Variants in PPFIBP2 observed in about 807,000 individuals in gnomAD.
The protein encoded by PPFIBP2 is PPFIB scaffold protein 2.
PPFIBP2 carries 118 observed loss-of-function variants against 118.3 expected under a neutral mutation model. The observed-to-expected ratio is 1.00, with a 90% CI of 0.86 to 1.16. The LOEUF is 1.16. Ranked by LOEUF, PPFIBP2 falls within the 50% of genes most tolerant of loss-of-function variation. PPFIBP2 has a pLI of 0.00. For missense variants in PPFIBP2, 1,195 were observed against 1,073.1 expected (o/e 1.11, Z -1.59); for synonymous variants, 414 against 397.4 (o/e 1.04, Z -0.50).
At chr11:7,630,311 C>T (rs1850587420) in intron 10 of PPFIBP2, among the ~76,000 whole-genome samples, 1 of 152,198 alleles carries the variant, frequency 6.6e-6, no homozygotes, top group South Asian at 2.1e-4. Context: ...ACACACAGCC[C>T]TCTTTTTTTT....
At chr11:7,661,503 G>A (rs1253184800), downstream of PPFIBP2, among the ~76,000 whole-genome samples, 1 of 148,924 alleles carries the variant, frequency 6.7e-6, no homozygotes, top group Non-Finnish European at 1.5e-5. Context: ...TTGCACTGTG[G>A]TCTGAGAGAT....
intron 2 of PPFIBP2, among the ~76,000 whole-genome samples, chr11:7,550,486 A>T (rs6578871): frequency 0.34 from 51,906 of 151,996 alleles, 9,178 homozygotes; most frequent in African/African-American, 0.43. Context: ...GTGGGAGAGT[A>T]TGCCTGTGTC....
chr11:7,577,372 G>T, intron 3 of PPFIBP2: 1 of 340,526 alleles, frequency 2.9e-6, no homozygotes, highest in South Asian at 2.2e-5. Flanking sequence ...TGGTCGGGGA[G>T]GACACTGAAG....
chr11:7,628,414 G>T, intron 9 of PPFIBP2, 68 bp downstream of exon 9: 1 of 1,402,388 alleles, frequency 7.1e-7, no homozygotes, highest in South Asian at 1.2e-5. Context: ...GGTCCCTGCT[G>T]GTCTCTGATA....
intron 3 of PPFIBP2, among the ~76,000 whole-genome samples, chr11:7,591,015 G>A (rs867849414): frequency 2.0e-5 from 3 of 152,196 alleles, no homozygotes; most frequent in East Asian, 1.9e-4. Flanking sequence ...GGCTGCTAGC[G>A]TGGATCTAGA....
At chr11:7,603,863 A>G (rs945927084) in intron 5 of PPFIBP2, among the ~76,000 whole-genome samples, 8 of 152,068 alleles carry the variant, frequency 5.3e-5, no homozygotes, top group Non-Finnish European at 8.8e-5. Context: ...ACCCTCCCCC[A>G]GACCACCTCC....
At chr11:7,563,690 A>G (rs932802394) in intron 2 of PPFIBP2, among the ~76,000 whole-genome samples, 44 of 152,328 alleles carry the variant, frequency 2.9e-4, no homozygotes, top group African/African-American at 1.0e-3. Context: ...GGCCTTATAA[A>G]TAATGCAAAT....
chr11:7,563,459 G>A (rs1854581051), intron 2 of PPFIBP2, among the ~76,000 whole-genome samples: 1 of 152,194 alleles, frequency 6.6e-6, no homozygotes, highest in Non-Finnish European at 1.5e-5. Context: ...TGTGGATGGT[G>A]ATCCATGATT....
At chr11:7,641,054 C>T (rs1852115342) in intron 15 of PPFIBP2, 1 of 1,281,378 alleles carries the variant, frequency 7.8e-7, no homozygotes, top group East Asian at 5.5e-5. Flanking sequence ...AGTGTCAGTG[C>T]CCCCGTATTA....
chr11:7,614,969 G>A (rs1312888793), intron 6 of PPFIBP2, among the ~76,000 whole-genome samples: 1 of 152,154 alleles, frequency 6.6e-6, no homozygotes, highest in African/African-American at 2.4e-5. Flanking sequence ...GAATGGAACA[G>A]AGCTACAAAA....
intron 3 of PPFIBP2, among the ~76,000 whole-genome samples, chr11:7,587,511 A>G (rs1858419274): frequency 6.6e-6 from 1 of 152,240 alleles, no homozygotes; most frequent in African/African-American, 2.4e-5. Context: ...ACAGAAACTC[A>G]GTTTGAACTA....
intron 1 of PPFIBP2, among the ~76,000 whole-genome samples, chr11:7,536,767 A>G (rs1312268795): frequency 6.6e-6 from 1 of 152,090 alleles, no homozygotes; most frequent in Non-Finnish European, 1.5e-5. Flanking sequence ...AGGCAGAGGG[A>G]GAGTGAGCGT....
chr11:7,545,739 G>T (rs1415055096), intron 1 of PPFIBP2, among the ~76,000 whole-genome samples: 2 of 152,114 alleles, frequency 1.3e-5, no homozygotes, highest in Non-Finnish European at 2.9e-5. Flanking sequence ...GCACAGAAAA[G>T]GGGCAACTTT....
intron 2 of PPFIBP2, among the ~76,000 whole-genome samples, chr11:7,553,217 C>T (rs1028840267): frequency 1.4e-5 from 2 of 144,008 alleles, no homozygotes; most frequent in Admixed American, 1.3e-4. Context: ...TTTGGAATAA[C>T]AAATTATTAT....
chr11:7,585,334 G>A (rs535655771), intron 3 of PPFIBP2, among the ~76,000 whole-genome samples: 1 of 152,238 alleles, frequency 6.6e-6, no homozygotes, highest in African/African-American at 2.4e-5. Flanking sequence ...TGCTAGAGCT[G>A]TCACACTGGG....
At chr11:7,588,230 A>G (rs576322673) in intron 3 of PPFIBP2, among the ~76,000 whole-genome samples, 20 of 152,294 alleles carry the variant, frequency 1.3e-4, no homozygotes, top group Middle Eastern at 3.4e-3. Flanking sequence ...AGGTTAGGCT[A>G]GTATCATTGT....
At chr11:7,610,609 C>A (rs1847948711) in intron 6 of PPFIBP2, 187 bp downstream of exon 6, 2 of 753,334 alleles carry the variant, frequency 2.7e-6, no homozygotes, top group East Asian at 2.8e-5. Flanking sequence ...TCAGCAATAT[C>A]CAAACCAGCC....
chr11:7,609,741 A>T (rs1847837809), intron 5 of PPFIBP2, among the ~76,000 whole-genome samples: 1 of 152,162 alleles, frequency 6.6e-6, no homozygotes, highest in Admixed American at 6.5e-5. Flanking sequence ...CCCAGGAAAG[A>T]TCCATCTCAC....
intron 1 of PPFIBP2, among the ~76,000 whole-genome samples, chr11:7,520,209 G>A (rs1849621725): frequency 6.6e-6 from 1 of 152,218 alleles, no homozygotes; most frequent in African/African-American, 2.4e-5. Context: ...ATGAGGACAG[G>A]GCAGGGGTTT....
Sources: gnomAD v4.1 joint callset for allele counts (sites outside exome capture counted in the v4.1 genomes callset) on GRCh38, gnomAD v4.1.1 for gene constraint, MANE v1.5 for transcripts, NCBI Gene and HGNC (gene_info 2026-07-23, HGNC 2026-07-21) for gene names.